CNTN1: variants seen among roughly 807,000 people sequenced by gnomAD.
CNTN1 encodes contactin-1.
CNTN1 carries 38 observed loss-of-function variants against 126.4 expected under a neutral mutation model. The ratio of observed to expected loss-of-function variants is 0.30; its 90% CI spans 0.23 to 0.39. CNTN1 has a LOEUF of 0.39. Ranked by LOEUF, CNTN1 falls within the 10% of genes least tolerant of loss-of-function variation. CNTN1 has a pLI of 1.00. For synonymous variants in CNTN1, 413 were observed against 422.6 expected, an observed-to-expected ratio of 0.98 and a Z score of 0.28; for missense variants, 1,009 against 1,248.4, an observed-to-expected ratio of 0.81 and a Z score of 2.89.
intron 1 of CNTN1, among the ~76,000 whole-genome samples, chr12:40,724,994 A>C (rs1257889773): frequency 6.6e-6 from 1 of 152,254 alleles, no homozygotes; most frequent in Non-Finnish European, 1.5e-5. Flanking sequence ...CCAAAATTAC[A>C]AAAGACAAAT....
chr12:41,008,534 A>C (rs182649431), intron 17 of CNTN1, among the ~76,000 whole-genome samples: 1 of 152,172 alleles, frequency 6.6e-6, no homozygotes, highest in Non-Finnish European at 1.5e-5. Context: ...TGGCTAGTGT[A>C]ATTTTAGTGT....
intron 1 of CNTN1, among the ~76,000 whole-genome samples, chr12:40,877,320 G>T (rs193007853): frequency 9.9e-5 from 15 of 151,472 alleles, no homozygotes; most frequent in Admixed American, 9.8e-4. Flanking sequence ...CAAATAAACA[G>T]ACTCATGGCA....
intron 1 of CNTN1, among the ~76,000 whole-genome samples, chr12:40,897,095 G>T (rs918200824): frequency 5.3e-5 from 8 of 152,128 alleles, no homozygotes; most frequent in African/African-American, 1.9e-4. Flanking sequence ...CTAGCATAAT[G>T]CCTAACACAT....
chr12:41,044,056 G>C (rs1250747739), intron 23 of CNTN1, among the ~76,000 whole-genome samples: 1 of 147,886 alleles, frequency 6.8e-6, no homozygotes, highest in Non-Finnish European at 1.5e-5. Flanking sequence ...GCTAAATGAC[G>C]AGTTAATGGG....
At chr12:40,787,438 T>C (rs10784866) in intron 1 of CNTN1, among the ~76,000 whole-genome samples, 62,680 of 152,010 alleles carry the variant, frequency 0.41, 13,499 homozygotes, top group African/African-American at 0.54. Context: ...TGGCAGACTC[T>C]GCTTTTTGTT....
chr12:40,964,002 T>C (rs1033167220), intron 15 of CNTN1, among the ~76,000 whole-genome samples: 4 of 152,094 alleles, frequency 2.6e-5, no homozygotes, highest in Admixed American at 2.6e-4. Flanking sequence ...AAATAGACCA[T>C]AAAATTAGGC....
Position 40,773,658 on chromosome 12 carries a change from CAT to C in CNTN1, c.-77+81080_-77+81081del, listed in dbSNP as rs1255206640. ...GTATATATATATATATATATATACA[CAT>C]ATATATATATATACACATATATATA... On this transcript the variant is annotated intron_variant, in intron 1 of 23. Transcript: ENST00000551295. Among the ~76,000 whole-genome samples, 59 of 8,292 alleles carry C rather than the reference CAT, an allele frequency of 7.1e-3. 1 individual carries two copies. Among genetic ancestry groups the C allele is most frequent in the Admixed American group, 6.9e-3 (3 of 432 alleles). 5.4% of individuals were successfully genotyped at this position (8,292 alleles called of 152,430 possible).
chr12:40,981,113 ATTCTT>A, intron 16 of CNTN1, 46 bp downstream of exon 16: 2 of 1,602,932 alleles, frequency 1.2e-6, no homozygotes, highest in Non-Finnish European at 1.7e-6. Flanking sequence ...TTCAAAGTGA[ATTCTT>A]TTCTCAAAAA....
At chr12:40,966,511 G>A (rs1489436512) in intron 15 of CNTN1, among the ~76,000 whole-genome samples, 1 of 152,020 alleles carries the variant, frequency 6.6e-6, no homozygotes, top group Non-Finnish European at 1.5e-5. Flanking sequence ...CTAAAATATT[G>A]AGCTGAAATG....
chr12:40,971,864 T>C (rs1317538675), intron 15 of CNTN1: 2 of 1,095,698 alleles, frequency 1.8e-6, no homozygotes, highest in African/African-American at 3.4e-5. Context: ...AATTGTATAA[T>C]ACAGGAGTAT....
chr12:40,982,421 ATTTGG>A (rs1464498132), intron 16 of CNTN1, among the ~76,000 whole-genome samples: 1 of 152,184 alleles, frequency 6.6e-6, no homozygotes, highest in East Asian at 1.9e-4. Flanking sequence ...AATGGTTTAA[ATTTGG>A]TTTGGCCCTG....
At chr12:40,933,267 G>A (rs1945960350) in intron 7 of CNTN1, among the ~76,000 whole-genome samples, 194 bp from the exon 8 acceptor site, 1 of 151,780 alleles carries the variant, frequency 6.6e-6, no homozygotes, top group Admixed American at 6.6e-5. Context: ...CAATATTATT[G>A]AAAATACTGA....
intron 1 of CNTN1, among the ~76,000 whole-genome samples, chr12:40,886,126 C>T (rs898397199): frequency 6.6e-6 from 1 of 151,988 alleles, no homozygotes. Context: ...TATAATCATA[C>T]CGTATGCAAA....
chr12:40,730,521 A>G (rs1942469220), intron 1 of CNTN1, among the ~76,000 whole-genome samples: 1 of 152,166 alleles, frequency 6.6e-6, no homozygotes. Flanking sequence ...TCACCTTTAC[A>G]TAGTTGAGAA....
chr12:40,724,756 T>C (rs1233158655), intron 1 of CNTN1, among the ~76,000 whole-genome samples: 3 of 152,244 alleles, frequency 2.0e-5, no homozygotes, highest in Non-Finnish European at 4.4e-5. Context: ...GAATTTATTA[T>C]GCTGGTATCG....
At chr12:40,774,432 A>G (rs1412817798) in intron 1 of CNTN1, among the ~76,000 whole-genome samples, 1 of 151,696 alleles carries the variant, frequency 6.6e-6, no homozygotes, top group Non-Finnish European at 1.5e-5. Context: ...TCAGTAGTTC[A>G]ATTATTCATG....
At chr12:40,803,370 G>C (rs1013969738) in intron 1 of CNTN1, among the ~76,000 whole-genome samples, 3 of 151,920 alleles carry the variant, frequency 2.0e-5, no homozygotes, top group African/African-American at 7.2e-5. Flanking sequence ...ACTTTTTGAA[G>C]AGCATCAGTG....
intron 1 of CNTN1, among the ~76,000 whole-genome samples, chr12:40,773,477 T>A (rs1383852159): frequency 6.6e-6 from 1 of 151,318 alleles, no homozygotes; most frequent in Non-Finnish European, 1.5e-5. Flanking sequence ...TATACATAGT[T>A]AACATTTCAT....
chr12:40,842,549 A>G (rs955742206), intron 1 of CNTN1, among the ~76,000 whole-genome samples: 2 of 152,100 alleles, frequency 1.3e-5, no homozygotes, highest in Non-Finnish European at 2.9e-5. Context: ...ATCATTGTAA[A>G]AGAAAAAATA....
Sources: gnomAD v4.1 joint callset for allele counts (sites outside exome capture counted in the v4.1 genomes callset) on GRCh38, gnomAD v4.1.1 for gene constraint, MANE v1.5 for transcripts, NCBI Gene and HGNC (gene_info 2026-07-23, HGNC 2026-07-21) for gene names.